The following BCO1 variants were observed in gnomAD, a reference collection of about 807,000 sequenced individuals.
BCO1 encodes beta-carotene oxygenase 1.
BCO1 carries 54 observed loss-of-function variants against 56.3 expected under a neutral mutation model. The observed-to-expected ratio is 0.96, with a 90% CI of 0.77 to 1.20. BCO1 has a LOEUF of 1.20. Ranked by LOEUF, BCO1 falls within the 50% of genes most tolerant of loss-of-function variation. The pLI is 0.00. For missense variants in BCO1, 801 were observed against 690.9 expected (o/e 1.16, Z -1.79); for synonymous variants, 318 against 266.1 (o/e 1.20, Z -1.90).
chr16:81,275,773 C>T (rs1227950161), intron 7 of BCO1, among the ~76,000 whole-genome samples: 2 of 152,212 alleles, frequency 1.3e-5, no homozygotes, highest in African/African-American at 4.8e-5. Flanking sequence ...TTTAAAAGGC[C>T]AGGAGGTCCT....
intron 2 of BCO1, among the ~76,000 whole-genome samples, chr16:81,251,850 A>G (rs1043140648): frequency 2.7e-4 from 39 of 143,690 alleles, no homozygotes; most frequent in Non-Finnish European, 1.3e-4. Flanking sequence ...ACACACACAC[A>G]CGCACACACA....
At chr16:81,242,971 T>C (rs1373840739) in intron 1 of BCO1, among the ~76,000 whole-genome samples, 1 of 152,118 alleles carries the variant, frequency 6.6e-6, no homozygotes, top group Non-Finnish European at 1.5e-5. Context: ...GGAAAAATTA[T>C]CTTCCACAAA....
In BCO1 at chr16:81,285,558, T is replaced by G; in HGVS notation, c.1226T>G (p.Val409Gly). 6.2e-7 allele frequency: 1 copy of G among 1,613,488 alleles called. No individual in the cohort carries two copies. Among genetic ancestry groups the G allele is most frequent in the Non-Finnish European group, 8.5e-7 (1 of 1,179,456 alleles). The stretch of plus-strand genomic sequence containing the variant: ...CTTGTAGGCTTAGAGCTTCCACGGG[T>G]CAATTATGCTCACAATGGAAAGCAA... ...FLYEGLELPR[V>G]NYAHNGKQYR... is the part of the protein sequence containing the mutation. The change falls in exon 9 of 11, where the codon GTC becomes GGC. Residue 409 changes from valine to glycine, a missense_variant. Val to Gly is a moderately radical substitution (Grantham distance 109, BLOSUM62 -3). Coordinates refer to ENST00000258168, the MANE Select transcript of BCO1 (RefSeq NM_017429.3).
intron 2 of BCO1, 44 bp from the exon 3 acceptor site, chr16:81,259,632 T>G: frequency 6.2e-7 from 1 of 1,613,932 alleles, no homozygotes; most frequent in Non-Finnish European, 8.5e-7. Flanking sequence ...TTTAAAGCCC[T>G]GTGAAGGCGT....
chr16:81,281,978 T>C (rs1464840039), intron 8 of BCO1, among the ~76,000 whole-genome samples: 1 of 152,204 alleles, frequency 6.6e-6, no homozygotes, highest in Non-Finnish European at 1.5e-5. Context: ...CAGCAGCACA[T>C]GACACAAAGG....
intron 8 of BCO1, among the ~76,000 whole-genome samples, chr16:81,281,169 G>C (rs1907861434): frequency 1.3e-5 from 2 of 152,198 alleles, no homozygotes; most frequent in Non-Finnish European, 2.9e-5. Flanking sequence ...GGTGAGGCCA[G>C]GCACGGTGGC....
intron 6 of BCO1, among the ~76,000 whole-genome samples, chr16:81,268,815 G>T (rs1206965830): frequency 2.6e-5 from 4 of 152,014 alleles, no homozygotes; most frequent in Admixed American, 2.6e-4. Flanking sequence ...GTGTTGCTCT[G>T]TCACCCAGGC....
intron 5 of BCO1, 59 bp downstream of exon 5, chr16:81,264,846 G>C: frequency 6.3e-7 from 1 of 1,596,566 alleles, no homozygotes; most frequent in Non-Finnish European, 8.6e-7. Flanking sequence ...TTCTTCTGAA[G>C]AGTTCTGTTT....
At chr16:81,245,909 C>T (rs1429780767) in intron 2 of BCO1, among the ~76,000 whole-genome samples, 1 of 126,106 alleles carries the variant, frequency 7.9e-6, no homozygotes, top group Non-Finnish European at 1.6e-5. Context: ...GTTGCCCAAG[C>T]TGGAGTGCAA....
At chr16:81,256,802 C>T (rs1476897698) in intron 2 of BCO1, among the ~76,000 whole-genome samples, 1 of 151,994 alleles carries the variant, frequency 6.6e-6, no homozygotes, top group Non-Finnish European at 1.5e-5. Context: ...GCAGGAGAAT[C>T]GTTCGAACCT....
chr16:81,272,639 T>G (rs554451293), intron 7 of BCO1, among the ~76,000 whole-genome samples: 1 of 152,338 alleles, frequency 6.6e-6, no homozygotes, highest in Non-Finnish European at 1.5e-5. Flanking sequence ...GCTCTGGGCT[T>G]TACTTACAGA....
intron 2 of BCO1, among the ~76,000 whole-genome samples, chr16:81,258,481 A>G (rs1457820384): frequency 6.6e-6 from 1 of 152,218 alleles, no homozygotes; most frequent in Non-Finnish European, 1.5e-5. Flanking sequence ...GAAGTGATCA[A>G]CTGGGCTTCT....
At chr16:81,249,276 A>T (rs1388230354) in intron 2 of BCO1, among the ~76,000 whole-genome samples, 1 of 150,878 alleles carries the variant, frequency 6.6e-6, no homozygotes, top group East Asian at 2.0e-4. Context: ...TCTTTTTTTG[A>T]GACAGAGTCT....
At chr16:81,243,667 C>T (rs1381605629) in intron 1 of BCO1, among the ~76,000 whole-genome samples, 1 of 152,114 alleles carries the variant, frequency 6.6e-6, no homozygotes, top group Non-Finnish European at 1.5e-5. Flanking sequence ...CGGGGTTTCA[C>T]CATGTTGGCC....
intron 4 of BCO1, chr16:81,263,838 G>A (rs186690717): frequency 3.3e-5 from 5 of 152,316 alleles, no homozygotes; most frequent in Admixed American, 6.5e-5. Context: ...ACGTTTTAAC[G>A]ATCTGTTAAA....
chr16:81,264,605 A>C (rs1000298862), intron 4 of BCO1, 35 bp from the exon 5 acceptor site: 3 of 1,611,708 alleles, frequency 1.9e-6, no homozygotes, highest in Non-Finnish European at 2.5e-6. Flanking sequence ...ATTATCGTAA[A>C]TACTTTAAAA....
chr16:81,281,267 G>A (rs112447561), intron 8 of BCO1, among the ~76,000 whole-genome samples: 3,240 of 152,162 alleles, frequency 0.021, 55 homozygotes, highest in African/African-American at 0.042. Context: ...GCAACATGGC[G>A]AAACCCCATC....
intron 1 of BCO1, among the ~76,000 whole-genome samples, chr16:81,244,780 G>A (rs998347274): frequency 2.0e-5 from 3 of 150,244 alleles, no homozygotes; most frequent in African/African-American, 7.4e-5. Context: ...AGGCTGGAGT[G>A]GAGTGGTGTG....
chr16:81,241,773 T>A (rs1905127318), intron 1 of BCO1, among the ~76,000 whole-genome samples: 1 of 152,150 alleles, frequency 6.6e-6, no homozygotes, highest in Admixed American at 6.5e-5. Context: ...TTGAGCCTAA[T>A]CAGTTGGTGA....
Sources: gnomAD v4.1 joint callset for allele counts (sites outside exome capture counted in the v4.1 genomes callset) on GRCh38, gnomAD v4.1.1 for gene constraint, MANE v1.5 for transcripts, NCBI Gene and HGNC (gene_info 2026-07-23, HGNC 2026-07-21) for gene names.